The following FDFT1 variants were observed in gnomAD, a reference collection of about 807,000 sequenced individuals.
The protein encoded by FDFT1 is squalene synthase.
Under a neutral mutation model 46.8 loss-of-function variants are expected in FDFT1, and 68 were observed. That is an observed-to-expected ratio of 1.45 (90% CI 1.19 to 1.78). FDFT1 has a LOEUF of 1.78. FDFT1 is among the 40% of genes most tolerant of loss of function. The pLI is 0.00. For synonymous variants in FDFT1, 351 were observed against 185.1 expected (o/e 1.90, Z -7.28); for missense variants, 928 against 524.4 (o/e 1.77, Z -7.52).
At chr8:11,803,077 C>T (rs924557218) in intron 1 of FDFT1, 146 bp downstream of exon 1, 2 of 1,446,670 alleles carry the variant, frequency 1.4e-6, no homozygotes, top group South Asian at 2.9e-5. Flanking sequence ...TTTCCTCGAG[C>T]CTTCCCCCTG....
intron 5 of FDFT1, among the ~76,000 whole-genome samples, chr8:11,829,123 T>C (rs1471359628): frequency 6.7e-6 from 1 of 149,862 alleles, no homozygotes; most frequent in Admixed American, 6.8e-5. Flanking sequence ...GTCAGCAGTG[T>C]GAGAGTCCCA....
intron 3 of FDFT1, among the ~76,000 whole-genome samples, chr8:11,819,692 C>T (rs993066325): frequency 2.6e-5 from 4 of 151,944 alleles, no homozygotes; most frequent in African/African-American, 9.7e-5. Flanking sequence ...TTTTCAGCTC[C>T]ATCAGGTCAT....
intron 7 of FDFT1, among the ~76,000 whole-genome samples, chr8:11,837,225 TTC>T (rs575631542): frequency 3.5e-4 from 53 of 151,764 alleles, no homozygotes; most frequent in Non-Finnish European, 6.2e-4. Flanking sequence ...TAGACAGTTG[TTC>T]TTTTGTTTTT....
chr8:11,803,123 T>A, intron 1 of FDFT1, 192 bp downstream of exon 1: 3 of 1,427,200 alleles, frequency 2.1e-6, no homozygotes, highest in Non-Finnish European at 2.7e-6. Flanking sequence ...CTGGCTGACC[T>A]GTCCCTGCCC....
intron 3 of FDFT1, among the ~76,000 whole-genome samples, chr8:11,811,745 G>A (rs185125170): frequency 1.3e-5 from 2 of 152,246 alleles, no homozygotes; most frequent in South Asian, 2.1e-4. Flanking sequence ...AGCAGAAGGC[G>A]TAAGCCAGGC....
chr8:11,816,777 G>A (rs1020759144), intron 3 of FDFT1, among the ~76,000 whole-genome samples: 3 of 152,172 alleles, frequency 2.0e-5, no homozygotes, highest in Non-Finnish European at 2.9e-5. Flanking sequence ...GGGCTGAGAC[G>A]ATGGGGTTTT....
At chr8:11,825,224 A>G (rs970674500) in intron 4 of FDFT1, among the ~76,000 whole-genome samples, 2 of 152,094 alleles carry the variant, frequency 1.3e-5, no homozygotes, top group Admixed American at 6.6e-5. Flanking sequence ...GCCTTCTCTC[A>G]TAGTTTTATG....
chr8:11,834,384 ACCCCCATTCCCCTCT>A (rs1310444705), intron 7 of FDFT1, among the ~76,000 whole-genome samples: 4 of 152,114 alleles, frequency 2.6e-5, no homozygotes, highest in African/African-American at 9.7e-5. Flanking sequence ...ACGGCCAGAA[ACCCCCATTCCCCTCT>A]CTGCCAAAGT....
chr8:11,827,958 T>G (rs1465695954), intron 5 of FDFT1, among the ~76,000 whole-genome samples: 1 of 152,102 alleles, frequency 6.6e-6, no homozygotes, highest in African/African-American at 2.4e-5. Flanking sequence ...TCCCAGCACT[T>G]TGGGAAGCCC....
chr8:11,822,956 A>T (rs1211942885), intron 4 of FDFT1, among the ~76,000 whole-genome samples: 1 of 152,182 alleles, frequency 6.6e-6, no homozygotes, highest in Non-Finnish European at 1.5e-5. Flanking sequence ...ATAAAATTGA[A>T]TTAAAAAAAA....
chr8:11,822,726 G>A (rs1171392665), intron 4 of FDFT1, among the ~76,000 whole-genome samples: 5 of 152,146 alleles, frequency 3.3e-5, no homozygotes, highest in African/African-American at 1.2e-4. Context: ...AGGTGTGGGA[G>A]GATTGCTTGA....
upstream of FDFT1, among the ~76,000 whole-genome samples, chr8:11,799,273 C>T (rs755925298): frequency 6.6e-6 from 1 of 152,194 alleles, no homozygotes; most frequent in Admixed American, 6.5e-5. Flanking sequence ...AATCTCTTGA[C>T]CAGTCAAAGC....
chr8:11,809,699 G>A lies in FDFT1; in HGVS notation c.230G>A (p.Arg77Gln), dbSNP rs1807429110. 2 of 1,613,070 alleles carry A rather than the reference G, an allele frequency of 1.2e-6. No homozygotes were observed. The highest frequency in any genetic ancestry group is 1.7e-6 in the Non-Finnish European group (2 of 1,179,594). ...NAVCIFYLVL[R>Q]ALDTLEDDMT... Reference sequence around the variant, plus strand: ...GTGTGCATATTTTATCTGGTTCTCCGAGCTCTGGACACACTGGAAGATGAC... The same window carrying A: ...GTGTGCATATTTTATCTGGTTCTCCAAGCTCTGGACACACTGGAAGATGAC... Residue 77 changes from arginine to glutamine, a missense_variant, in exon 3 of 8, where the codon CGA (arginine) becomes CAA (glutamine). Physicochemically the swap from Arg to Gln is conservative, Grantham distance 43 (BLOSUM62 1). Coordinates refer to ENST00000220584, the MANE Select transcript of FDFT1 (RefSeq NM_004462.5).
intron 3 of FDFT1, among the ~76,000 whole-genome samples, chr8:11,818,522 T>G (rs1808778411): frequency 6.6e-6 from 1 of 152,216 alleles, no homozygotes; most frequent in South Asian, 2.1e-4. Flanking sequence ...CTCTAAGGAC[T>G]TGCTTTATGA....
At chr8:11,802,447 C>G (rs1806232830), upstream of FDFT1, 1 of 462,160 alleles carries the variant, frequency 2.2e-6, no homozygotes, top group Non-Finnish European at 4.3e-6. Context: ...GTTCGCGCTC[C>G]CAGCCGGGGT....
intron 3 of FDFT1, among the ~76,000 whole-genome samples, chr8:11,816,290 G>A (rs1356570672): frequency 6.6e-6 from 1 of 152,202 alleles, no homozygotes; most frequent in Non-Finnish European, 1.5e-5. Context: ...ATAGTTTGAA[G>A]TCAGGTAGCG....
intron 2 of FDFT1, 136 bp downstream of exon 2, chr8:11,809,027 C>A (rs1807326492): frequency 7.2e-6 from 10 of 1,389,778 alleles, no homozygotes; most frequent in Admixed American, 2.3e-5. Context: ...ATAGCCCGGC[C>A]CTACGTGTTT....
intron 2 of FDFT1, chr8:11,809,185 C>T (rs1042123277): frequency 2.4e-6 from 3 of 1,240,510 alleles, no homozygotes; most frequent in East Asian, 3.9e-5. Flanking sequence ...GTGTATTTCT[C>T]GGCTTCCCTT....
chr8:11,822,220 T>A (rs1305729516), intron 4 of FDFT1, among the ~76,000 whole-genome samples: 1 of 152,232 alleles, frequency 6.6e-6, no homozygotes, highest in Non-Finnish European at 1.5e-5. Flanking sequence ...TTTGTGAGAC[T>A]TACTCATCAC....
Sources: gnomAD v4.1 joint callset for allele counts (sites outside exome capture counted in the v4.1 genomes callset) on GRCh38, gnomAD v4.1.1 for gene constraint, MANE v1.5 for transcripts, NCBI Gene and HGNC (gene_info 2026-07-23, HGNC 2026-07-21) for gene names.